Variants in TNRC6B observed in about 807,000 individuals in gnomAD.
The protein encoded by TNRC6B is trinucleotide repeat-containing gene 6B protein.
In TNRC6B, 52 loss-of-function variants were observed where a neutral mutation model predicts 203.6. That is an observed-to-expected ratio of 0.26 (90% confidence interval 0.20 to 0.32). The LOEUF (loss-of-function observed/expected upper bound fraction) is 0.32, where lower values mean the gene tolerates loss of function less well. Among genes scored for constraint, TNRC6B ranks in the 10% least tolerant of loss-of-function variants. The pLI is 1.00. For missense variants in TNRC6B, 1,923 were observed against 2,286.2 expected (o/e 0.84, Z 3.24); for synonymous variants, 838 against 845.7 (o/e 0.99, Z 0.16).
At chr22:40,305,570 C>T (rs570137619) in intron 15 of TNRC6B, among the ~76,000 whole-genome samples, 4 of 152,320 alleles carry the variant, frequency 2.6e-5, no homozygotes, top group South Asian at 2.1e-4. Flanking sequence ...CATATCCTAG[C>T]GTCAGGCTGG....
At chr22:40,309,422 T>C (rs1421315216) in intron 16 of TNRC6B, among the ~76,000 whole-genome samples, 1 of 152,220 alleles carries the variant, frequency 6.6e-6, no homozygotes, top group Non-Finnish European at 1.5e-5. Context: ...CAGGTTTCCT[T>C]TATAAACCAC....
chr22:40,259,205 A>G (rs941405961), intron 3 of TNRC6B, among the ~76,000 whole-genome samples: 1 of 152,116 alleles, frequency 6.6e-6, no homozygotes, highest in Non-Finnish European at 1.5e-5. Flanking sequence ...TAGGTCATGA[A>G]TATTAGATAA....
intron 6 of TNRC6B, 82 bp downstream of exon 6, chr22:40,270,362 C>T (rs1010073906): frequency 3.1e-6 from 4 of 1,293,392 alleles, no homozygotes; most frequent in Non-Finnish European, 2.0e-6. Flanking sequence ...CTTGTCCACC[C>T]AGGCTGGAGT....
chr22:40,133,590 C>T (rs914590528), intron 3 of TNRC6B, among the ~76,000 whole-genome samples: 3 of 152,064 alleles, frequency 2.0e-5, no homozygotes, highest in African/African-American at 7.2e-5. Context: ...TGTAGAAAGA[C>T]GGGTTTCATG....
chr22:40,326,893 G>A lies in TNRC6B; in HGVS notation c.*3652G>A, dbSNP rs914456397. ...TATAGAAGAATCTAATAAGGAACAA[G>A]TGATTTTACTTTTTTAGCTCCCAGC... On this transcript the variant is annotated 3_prime_UTR_variant, in exon 23 of 23. Coordinates refer to ENST00000454349, the MANE Select transcript of TNRC6B (RefSeq NM_001162501.2). 6.6e-6 allele frequency: 1 copy of A among 152,582 alleles called. No homozygotes were observed. Among genetic ancestry groups the A allele is most frequent in the African/African-American group, 2.4e-5 (1 of 41,438 alleles). The allele number at this position is 152,582 out of a possible 1,614,324, so 9.5% of individuals were successfully genotyped here.
At chr22:40,204,583 G>A (rs2069456187) in intron 1 of TNRC6B, among the ~76,000 whole-genome samples, 2 of 152,216 alleles carry the variant, frequency 1.3e-5, no homozygotes, top group Admixed American at 6.5e-5. Flanking sequence ...TGTGGAACTT[G>A]GGTTTCAATG....
At chr22:40,142,432 A>G (rs1363445299) in intron 3 of TNRC6B, among the ~76,000 whole-genome samples, 1 of 152,162 alleles carries the variant, frequency 6.6e-6, no homozygotes, top group African/African-American at 2.4e-5. Context: ...TGCTTTAAAA[A>G]GCATGCAAAG....
At chr22:40,174,676 T>C (rs2069038141), upstream of TNRC6B, among the ~76,000 whole-genome samples, 1 of 151,960 alleles carries the variant, frequency 6.6e-6, no homozygotes, top group African/African-American at 2.4e-5. Flanking sequence ...TACAAAAAAA[T>C]TAGCCGAGCG....
intron 1 of TNRC6B, among the ~76,000 whole-genome samples, chr22:40,191,609 TCTCA>T (rs1290623386): frequency 1.3e-5 from 2 of 152,198 alleles, no homozygotes; most frequent in Non-Finnish European, 2.9e-5. Context: ...CAAGACAGGT[TCTCA>T]CTCTGTCATC....
At chr22:40,244,014 T>G (rs2070069161) in intron 1 of TNRC6B, among the ~76,000 whole-genome samples, 1 of 152,174 alleles carries the variant, frequency 6.6e-6, no homozygotes, top group South Asian at 2.1e-4. Flanking sequence ...AGGCTGTGGT[T>G]GCTACTTTCC....
At chr22:40,089,912 TC>T (rs2068136226) in intron 1 of TNRC6B, among the ~76,000 whole-genome samples, 1 of 152,232 alleles carries the variant, frequency 6.6e-6, no homozygotes, top group African/African-American at 2.4e-5. Flanking sequence ...ATTTTTCTTT[TC>T]CAGATGTTAT....
chr22:40,177,561 C>G (rs1486463213), upstream of TNRC6B, among the ~76,000 whole-genome samples: 2 of 152,090 alleles, frequency 1.3e-5, no homozygotes, highest in Non-Finnish European at 2.9e-5. Flanking sequence ...GTGTTTCAGC[C>G]CCTTTTACAG....
chr22:40,131,734 T>C (rs925739363), intron 3 of TNRC6B, among the ~76,000 whole-genome samples: 5 of 152,230 alleles, frequency 3.3e-5, no homozygotes, highest in South Asian at 2.1e-4. Flanking sequence ...CGAGCTTTTT[T>C]TCCCTGAATG....
At position 40,325,255 on chromosome 22, in the gene TNRC6B, T is replaced by G. The variant is rs529193285; in HGVS notation, c.*2014T>G. On this transcript the variant is annotated 3_prime_UTR_variant, in exon 23 of 23. Transcript: ENST00000454349. ...TTCAGTGAAGGATACAATACAACAA[T>G]GCCTAATGTATTTGACTTTTTAGCT... 1 of 152,652 alleles carries G rather than the reference T, an allele frequency of 6.6e-6. No homozygotes were observed. The highest frequency in any genetic ancestry group is 1.5e-5 in the Non-Finnish European group (1 of 68,032). The allele number at this position is 152,652 out of a possible 1,614,324, so 9.5% of individuals were successfully genotyped here. A position where few individuals can be genotyped will look rare whatever the true frequency, so the allele number is the denominator to read the frequency against.
chr22:40,145,111 T>C (rs944475566), intron 3 of TNRC6B, among the ~76,000 whole-genome samples: 1 of 151,068 alleles, frequency 6.6e-6, no homozygotes, highest in Non-Finnish European at 1.5e-5. Flanking sequence ...CTGGGTGTGC[T>C]GGCACAGGCC....
chr22:40,157,881 TC>T (rs1405372923), intron 4 of TNRC6B, among the ~76,000 whole-genome samples: 1 of 152,228 alleles, frequency 6.6e-6, no homozygotes, highest in East Asian at 1.9e-4. Context: ...CACTCAGAGA[TC>T]AGGGTAGGTA....
intron 19 of TNRC6B, among the ~76,000 whole-genome samples, chr22:40,313,862 A>G (rs1226376061): frequency 6.6e-6 from 1 of 152,214 alleles, no homozygotes; most frequent in East Asian, 1.9e-4. Flanking sequence ...ACCAAAGGCT[A>G]TGAGTAAGTC....
chr22:40,157,295 G>A (rs561049021), intron 4 of TNRC6B, among the ~76,000 whole-genome samples: 1 of 82,566 alleles, frequency 1.2e-5, no homozygotes, highest in South Asian at 4.6e-4. Context: ...TAAATTGAAT[G>A]GGCCAGTGAT....
intron 2 of TNRC6B, among the ~76,000 whole-genome samples, chr22:40,117,589 T>A (rs1417211571): frequency 3.3e-5 from 5 of 152,206 alleles, no homozygotes; most frequent in Admixed American, 3.3e-4. Flanking sequence ...TTCTGGTTGC[T>A]TTTTTAGTGA....
Sources: allele counts gnomAD v4.1 joint callset (sites outside exome capture counted in the v4.1 genomes callset), GRCh38; gene constraint gnomAD v4.1.1; transcripts MANE v1.5; gene names NCBI Gene and HGNC (gene_info 2026-07-23, HGNC 2026-07-21).